ERBB4: variants seen among roughly 807,000 people sequenced by gnomAD.
ERBB4 encodes receptor tyrosine-protein kinase erbB-4.
ERBB4 carries 42 observed loss-of-function variants against 158.0 expected under a neutral mutation model. The ratio of observed to expected loss-of-function variants is 0.27; its 90% CI spans 0.21 to 0.34. The LOEUF (loss-of-function observed/expected upper bound fraction) is 0.34. ERBB4 is among the 10% of genes least tolerant of loss of function. ERBB4 has a pLI of 1.00. For missense variants in ERBB4, 1,333 were observed against 1,624.1 expected (o/e 0.82, Z 3.08); for synonymous variants, 583 against 558.7 (o/e 1.04, Z -0.61).
At chr2:211,384,831 CAATT>C (rs1174809048) in intron 27 of ERBB4, among the ~76,000 whole-genome samples, 2 of 151,806 alleles carry the variant, frequency 1.3e-5, no homozygotes, top group Non-Finnish European at 2.9e-5. Flanking sequence ...TGAAACCAGT[CAATT>C]AGTGCCTATT....
chr2:212,327,623 TAA>T (rs1254547993), intron 1 of ERBB4, among the ~76,000 whole-genome samples: 1 of 151,880 alleles, frequency 6.6e-6, no homozygotes, highest in Non-Finnish European at 1.5e-5. Context: ...AGTTAAACAT[TAA>T]GTGGGTCTGG....
At chr2:212,425,063 T>C (rs1282245700) in intron 1 of ERBB4, among the ~76,000 whole-genome samples, 5 of 151,864 alleles carry the variant, frequency 3.3e-5, no homozygotes, top group African/African-American at 1.2e-4. Flanking sequence ...ATATGACATT[T>C]TATAGATGCT....
intron 19 of ERBB4, among the ~76,000 whole-genome samples, chr2:211,566,661 T>C (rs2067557868): frequency 6.6e-6 from 1 of 152,154 alleles, no homozygotes; most frequent in Admixed American, 6.5e-5. Context: ...ACCAGAGGGT[T>C]CCTTCATTGA....
chr2:211,658,105 G>C, intron 15 of ERBB4: 1 of 737,432 alleles, frequency 1.4e-6, no homozygotes, highest in Non-Finnish European at 2.2e-6. Flanking sequence ...AGACTATTTT[G>C]GAACACAATG....
intron 1 of ERBB4, among the ~76,000 whole-genome samples, chr2:212,384,890 AATAT>A (rs67216333): frequency 0.13 from 16,238 of 123,086 alleles, 1,145 homozygotes; most frequent in Non-Finnish European, 0.17. Context: ...ATGTTTGTGG[AATAT>A]ATATATATAT....
At chr2:211,738,095 CTAAT>C (rs2074663108) in intron 5 of ERBB4, among the ~76,000 whole-genome samples, 1 of 151,930 alleles carries the variant, frequency 6.6e-6, no homozygotes, top group Admixed American at 6.6e-5. Flanking sequence ...ATACAAATGA[CTAAT>C]TAGTCTACAT....
intron 2 of ERBB4, among the ~76,000 whole-genome samples, chr2:212,097,995 T>C (rs1223718329): frequency 6.6e-6 from 1 of 152,144 alleles, no homozygotes; most frequent in Non-Finnish European, 1.5e-5. Flanking sequence ...TTCTCTGATT[T>C]ATGTGGTAGA....
rs544084345 is a variant in ERBB4 at position 212,354,854 on chromosome 2, T to G, written c.82+183595A>C. On this transcript the variant is annotated intron_variant, in intron 1 of 27. Transcript: ENST00000342788. Reference sequence around the variant, plus strand: ...TTGGAAATACTTATATATCTGCTGGTTCTTTTTTTCTTTTCCTTTGTTTTA... The same window carrying G: ...TTGGAAATACTTATATATCTGCTGGGTCTTTTTTTCTTTTCCTTTGTTTTA... Among the ~76,000 whole-genome samples the G allele has an allele frequency of 7.1e-4, 108 of 151,260 alleles. 2 individuals are homozygous for G. The highest frequency in any genetic ancestry group is 3.1e-4 in the Non-Finnish European group (21 of 67,690).
At chr2:211,431,531 T>C (rs2063748411) in intron 20 of ERBB4, among the ~76,000 whole-genome samples, 1 of 152,324 alleles carries the variant, frequency 6.6e-6, no homozygotes, top group Admixed American at 6.5e-5. Flanking sequence ...CCTTTATCCA[T>C]AATTTTTAGA....
At chr2:211,756,301 A>G (rs758807352) in intron 4 of ERBB4, among the ~76,000 whole-genome samples, 3 of 152,174 alleles carry the variant, frequency 2.0e-5, no homozygotes, top group Non-Finnish European at 4.4e-5. Context: ...TGAACAATCT[A>G]GTTTGTCCAG....
chr2:212,496,674 T>C (rs1253409768), intron 1 of ERBB4, among the ~76,000 whole-genome samples: 1 of 152,222 alleles, frequency 6.6e-6, no homozygotes, highest in African/African-American at 2.4e-5. Context: ...ATACACAAGC[T>C]TTATTTTCCC....
chr2:212,230,707 C>T (rs1303308645), intron 1 of ERBB4, among the ~76,000 whole-genome samples: 1 of 152,086 alleles, frequency 6.6e-6, no homozygotes, highest in Non-Finnish European at 1.5e-5. Context: ...ACTACTTATT[C>T]AGGTTATCTT....
chr2:211,943,463 G>A (rs891865008), intron 3 of ERBB4, among the ~76,000 whole-genome samples: 1 of 152,074 alleles, frequency 6.6e-6, no homozygotes, highest in Non-Finnish European at 1.5e-5. Flanking sequence ...GGACTTCTCT[G>A]ATGCAGTAGG....
chr2:212,238,483 G>C (rs902953358), intron 1 of ERBB4, among the ~76,000 whole-genome samples: 1 of 152,116 alleles, frequency 6.6e-6, no homozygotes, highest in African/African-American at 2.4e-5. Context: ...CTTCTGTGTT[G>C]ATCTCGCTGG....
chr2:212,149,279 TTGC>T (rs1198264428), intron 1 of ERBB4, among the ~76,000 whole-genome samples: 1 of 152,204 alleles, frequency 6.6e-6, no homozygotes, highest in Non-Finnish European at 1.5e-5. Context: ...AAGCCTCCAA[TTGC>T]TGCCTGGAGT....
chr2:211,939,695 C>T (rs1040630550), intron 3 of ERBB4, among the ~76,000 whole-genome samples: 5 of 152,122 alleles, frequency 3.3e-5, no homozygotes, highest in African/African-American at 1.2e-4. Flanking sequence ...CACCTGTAAA[C>T]CCAGCACTTC....
chr2:211,704,468 A>G (rs78141046), intron 10 of ERBB4, among the ~76,000 whole-genome samples: 3,820 of 152,298 alleles, frequency 0.025, 157 homozygotes, highest in African/African-American at 0.086. Context: ...AGAGAAAAAT[A>G]CAGTTTCAAT....
At chr2:211,800,617 T>G (rs1278328492) in intron 3 of ERBB4, among the ~76,000 whole-genome samples, 3 of 149,354 alleles carry the variant, frequency 2.0e-5, no homozygotes, top group Non-Finnish European at 4.4e-5. Context: ...AAAGGTAAAA[T>G]TATGCTTTTA....
At chr2:211,759,931 AATAAAT>A (rs2075369463) in intron 4 of ERBB4, among the ~76,000 whole-genome samples, 1 of 151,992 alleles carries the variant, frequency 6.6e-6, no homozygotes, top group Non-Finnish European at 1.5e-5. Context: ...GATGATATTA[AATAAAT>A]ATAATTTTAT....
Sources: allele counts gnomAD v4.1 joint callset (sites outside exome capture counted in the v4.1 genomes callset), GRCh38; gene constraint gnomAD v4.1.1; transcripts MANE v1.5; gene names NCBI Gene and HGNC (gene_info 2026-07-23, HGNC 2026-07-21).